The following CAMK1G variants were observed in gnomAD, a reference collection of about 807,000 sequenced individuals.
CAMK1G encodes the protein calcium/calmodulin-dependent protein kinase type 1G.
A neutral mutation model predicts 54.8 loss-of-function variants in CAMK1G; 27 were observed. The observed-to-expected ratio is 0.49, with a 90% CI of 0.36 to 0.68. The LOEUF (loss-of-function observed/expected upper bound fraction) is 0.68. Among genes scored for constraint, CAMK1G ranks in the 30% least tolerant of loss-of-function variants. The pLI, the probability that CAMK1G is intolerant of heterozygous loss-of-function variation, is 0.00. For synonymous variants in CAMK1G, 238 were observed against 224.9 expected (o/e 1.06, Z -0.52); for missense variants, 512 against 591.0 (o/e 0.87, Z 1.39).
chr1:209,607,741 A>G, intron 6 of CAMK1G, 117 bp from the exon 7 acceptor site: 1 of 760,726 alleles, frequency 1.3e-6, no homozygotes, highest in Non-Finnish European at 2.2e-6. Flanking sequence ...AGTCTCCTAG[A>G]AACCCCACCA....
At position 209,612,920 on chromosome 1, in the gene CAMK1G, G is replaced by A; in HGVS notation, c.*37+8G>A. Reference sequence around the variant, plus strand: ...TGTCACTGCAATTTTCAGGTTAGGAGGGTCACAGTGTGAGGCTTGGGGAGA... The same window carrying A: ...TGTCACTGCAATTTTCAGGTTAGGAAGGTCACAGTGTGAGGCTTGGGGAGA... On this transcript the variant is annotated splice_region_variant and intron_variant, in intron 12 of 12. Coordinates refer to ENST00000361322, the MANE Select transcript of CAMK1G (RefSeq NM_020439.3). 2.2e-6 allele frequency: 3 copies of A among 1,336,392 alleles called. No homozygotes were observed. The highest frequency in any genetic ancestry group is 3.2e-6 in the Non-Finnish European group (3 of 931,416). The allele number at this position is 1,336,392 out of a possible 1,614,324, so 82.8% of individuals were successfully genotyped here.
Position 209,612,206 on chromosome 1 carries a change from A to C in CAMK1G, c.1330A>C (p.Asn444His). ...CSEPTLLKKA[N>H]KKQNFKSEVM... ...TGAGCCCACACTCCTCAAAAAGGCC[A>C]ACAAAAAACAGTACGTATTTTTAGC... The change falls in exon 11 of 13, where the codon AAC becomes CAC. Residue 444 changes from asparagine to histidine, a missense_variant. Transcript: ENST00000361322. 4 of 1,613,444 alleles carry C rather than the reference A, an allele frequency of 2.5e-6. No homozygotes were observed. Among genetic ancestry groups the C allele is most frequent in the Non-Finnish European group, 3.4e-6 (4 of 1,179,548 alleles).
At chr1:209,594,243 T>G (rs1665325543) in intron 1 of CAMK1G, among the ~76,000 whole-genome samples, 1 of 152,194 alleles carries the variant, frequency 6.6e-6, no homozygotes, top group Non-Finnish European at 1.5e-5. Flanking sequence ...CGTATGACTT[T>G]ACTTGCCCAT....
At chr1:209,608,444 C>T (rs1665703573) in intron 7 of CAMK1G, among the ~76,000 whole-genome samples, 3 of 152,218 alleles carry the variant, frequency 2.0e-5, no homozygotes, top group South Asian at 4.1e-4. Context: ...TCTTCCCCAC[C>T]ATCCCTCCTC....
chr1:209,590,381 T>C (rs200454545), intron 1 of CAMK1G, among the ~76,000 whole-genome samples: 2 of 152,090 alleles, frequency 1.3e-5, no homozygotes, highest in East Asian at 3.9e-4. Flanking sequence ...GCCAAAGCTA[T>C]GGGGGTTTCA....
At chr1:209,606,614 A>G (rs1025613414) in intron 6 of CAMK1G, among the ~76,000 whole-genome samples, 171 bp downstream of exon 6, 2 of 152,182 alleles carry the variant, frequency 1.3e-5, no homozygotes, top group Non-Finnish European at 2.9e-5. Context: ...CTCAGGATCT[A>G]TCTCTACTGC....
intron 3 of CAMK1G, among the ~76,000 whole-genome samples, chr1:209,602,059 G>T (rs759722917): frequency 2.0e-5 from 3 of 152,116 alleles, no homozygotes; most frequent in Admixed American, 6.5e-5. Context: ...CTGGCAAGCC[G>T]AGCCCCTCTG....
chr1:209,588,310 C>T (rs552907643), intron 1 of CAMK1G, among the ~76,000 whole-genome samples: 2 of 152,226 alleles, frequency 1.3e-5, no homozygotes, highest in East Asian at 3.9e-4. Flanking sequence ...ACACTGTACA[C>T]ACATTGTAAT....
Position 209,608,030 on chromosome 1 carries a change from C to T in CAMK1G, c.635+97C>T, listed in dbSNP as rs990694554. The T allele has an allele frequency of 2.5e-5, 22 of 878,242 alleles. No individual in the cohort carries two copies. The East Asian group carries it at 2.8e-4, about 11-fold the overall frequency. The allele number at this position is 878,242 out of a possible 1,614,324, so 54.4% of individuals were successfully genotyped here. A position where few individuals can be genotyped will look rare whatever the true frequency, so the allele number is the denominator to read the frequency against. The stretch of plus-strand genomic sequence containing the variant: ...CCTGTCTCAGCTCCTCCTCCAAGCA[C>T]GTGCATGTGCACAAACAGACACAGG... On this transcript the variant is annotated intron_variant, in intron 7 of 12. Coordinates refer to ENST00000361322, the MANE Select transcript of CAMK1G (RefSeq NM_020439.3).
At chr1:209,586,761 A>G (rs951524715) in intron 1 of CAMK1G, among the ~76,000 whole-genome samples, 1 of 152,098 alleles carries the variant, frequency 6.6e-6, no homozygotes, top group Non-Finnish European at 1.5e-5. Flanking sequence ...ACCAAGGCCC[A>G]ATATACTTAG....
intron 1 of CAMK1G, among the ~76,000 whole-genome samples, chr1:209,591,695 A>AAGGGGGCCTCAGACTTCTTAGACTTCCC (rs1427454791): frequency 1.3e-5 from 2 of 152,084 alleles, no homozygotes; most frequent in East Asian, 3.9e-4. Context: ...CATATGGGAG[A>AAGGGGGCCTCAGACTTCTTAGACTTCCC]AGGGGGCCTC....
chr1:209,593,882 A>G (rs748185190), intron 1 of CAMK1G, among the ~76,000 whole-genome samples: 1 of 152,174 alleles, frequency 6.6e-6, no homozygotes, highest in Non-Finnish European at 1.5e-5. Context: ...TGTCTTAAAC[A>G]GAGTCTACAA....
At chr1:209,593,344 G>A (rs191375370) in intron 1 of CAMK1G, among the ~76,000 whole-genome samples, 10 of 152,344 alleles carry the variant, frequency 6.6e-5, no homozygotes, top group African/African-American at 9.6e-5. Flanking sequence ...CCCAAGAGGG[G>A]CAGCTATTAG....
intron 5 of CAMK1G, 98 bp downstream of exon 5, chr1:209,605,772 G>A: frequency 1.6e-6 from 2 of 1,247,330 alleles, no homozygotes; most frequent in South Asian, 3.0e-5. Context: ...AAGAGGGTTG[G>A]ACTAGTGACT....
intron 1 of CAMK1G, among the ~76,000 whole-genome samples, chr1:209,585,943 G>T (rs1185468408): frequency 6.6e-6 from 1 of 152,258 alleles, no homozygotes; most frequent in Non-Finnish European, 1.5e-5. Context: ...GGGGGTTGGG[G>T]CTGAGTGGGA....
intron 1 of CAMK1G, among the ~76,000 whole-genome samples, chr1:209,592,999 A>G (rs1345050036): frequency 6.6e-6 from 1 of 152,250 alleles, no homozygotes; most frequent in East Asian, 1.9e-4. Context: ...AGAAAAAAAA[A>G]TAAAAATAAA....
In CAMK1G at chr1:209,595,215, G is replaced by A. The variant is rs1571775897; in HGVS notation, c.92+140G>A. 2.4e-5 allele frequency: 15 copies of A among 638,022 alleles called. No individual in the cohort carries two copies. In the East Asian group the frequency reaches 3.9e-4, roughly 17 times the overall value. 39.5% of individuals were successfully genotyped at this position (638,022 alleles called of 1,614,324 possible). A position where few individuals can be genotyped will look rare whatever the true frequency, so the allele number is the denominator to read the frequency against. On this transcript the variant is annotated intron_variant, in intron 2 of 12. Transcript: ENST00000361322. ...TTTCGATTTATTTAAGGGACTTAGG[G>A]AGAGTTTTGTGGCCTGGAGGATGGT...
At chr1:209,595,243 G>A (rs1665350614) in intron 2 of CAMK1G, among the ~76,000 whole-genome samples, 168 bp downstream of exon 2, 2 of 152,128 alleles carry the variant, frequency 1.3e-5, no homozygotes, top group Non-Finnish European at 2.9e-5. Context: ...AGGATGGTGG[G>A]TGGAGTGGGT....
At chr1:209,589,070 C>A (rs1392114576) in intron 1 of CAMK1G, among the ~76,000 whole-genome samples, 1 of 152,184 alleles carries the variant, frequency 6.6e-6, no homozygotes, top group East Asian at 1.9e-4. Context: ...AGGGAGGCAA[C>A]AAGATAGCCA....
Sources: allele counts gnomAD v4.1 joint callset (sites outside exome capture counted in the v4.1 genomes callset), GRCh38; gene constraint gnomAD v4.1.1; transcripts MANE v1.5; gene names NCBI Gene and HGNC (gene_info 2026-07-23, HGNC 2026-07-21).